Variants in KLF8 observed in about 807,000 individuals in gnomAD.
KLF8 encodes KLF transcription factor 8.
Under a neutral mutation model 18.2 loss-of-function variants are expected in KLF8, and 10 were observed. The ratio of observed to expected loss-of-function variants is 0.55; its 90% CI spans 0.34 to 0.93. The LOEUF is 0.93. KLF8 is among the 40% of genes least tolerant of loss of function. The pLI is 0.02. For synonymous variants in KLF8, 109 were observed against 97.3 expected (o/e 1.12, Z -0.71); for missense variants, 264 against 277.9 (o/e 0.95, Z 0.36).
the KLF8 span, among the ~76,000 whole-genome samples, chrX:56,064,433 G>A: frequency 2.4e-4 from 26 of 109,130 alleles, no homozygotes; most frequent in East Asian, 6.3e-3. Flanking sequence ...TTTCTTGTGA[G>A]CAGCATATAA....
chrX:56,040,800 C>CTTTTTTT, the KLF8 span, among the ~76,000 whole-genome samples: 8 of 6,038 alleles, frequency 1.3e-3, 2 homozygotes, highest in Non-Finnish European at 3.2e-3. Context: ...ATGATACCAG[C>CTTTTTTT]TTTTTTTTTT....
At chrX:55,937,862 T>C in the KLF8 span, among the ~76,000 whole-genome samples, 1 of 111,503 alleles carries the variant, frequency 9.0e-6, no homozygotes, top group Non-Finnish European at 1.9e-5. Flanking sequence ...CTCCAACAAA[T>C]ATGGGACTAT....
the KLF8 span, among the ~76,000 whole-genome samples, chrX:55,919,326 T>C: frequency 8.9e-6 from 1 of 111,732 alleles, no homozygotes; most frequent in Non-Finnish European, 1.9e-5. Context: ...GAACTTTTGC[T>C]CCCAAGAACT....
At chrX:55,930,595 G>C in the KLF8 span, among the ~76,000 whole-genome samples, 3 of 111,880 alleles carry the variant, frequency 2.7e-5, no homozygotes, top group Non-Finnish European at 5.6e-5. Context: ...TAGCATGAAG[G>C]GCTGTTGCAT....
the KLF8 span, among the ~76,000 whole-genome samples, chrX:56,046,416 T>A: frequency 9.0e-6 from 1 of 111,540 alleles, no homozygotes; most frequent in Non-Finnish European, 1.9e-5. Flanking sequence ...AATGTTAGTA[T>A]TGAGATGTCA....
chrX:55,977,258 C>T, the KLF8 span, among the ~76,000 whole-genome samples: 2 of 111,557 alleles, frequency 1.8e-5, no homozygotes, highest in Non-Finnish European at 3.8e-5. Flanking sequence ...TGTGGGCTTG[C>T]TATATATGCC....
the KLF8 span, among the ~76,000 whole-genome samples, chrX:56,225,103 C>T: frequency 8.9e-6 from 1 of 112,006 alleles, no homozygotes; most frequent in Non-Finnish European, 1.9e-5. Context: ...AAGATTTCAA[C>T]ATATGAATTT....
chrX:56,231,530 C>T (rs1276897159), upstream of KLF8, among the ~76,000 whole-genome samples: 1 of 111,681 alleles, frequency 9.0e-6, no homozygotes, highest in Non-Finnish European at 1.9e-5. Context: ...TCTCTTTGCT[C>T]TTCCTCCCTC....
the KLF8 span, among the ~76,000 whole-genome samples, chrX:55,945,915 A>C: frequency 9.0e-6 from 1 of 111,204 alleles, no homozygotes; most frequent in Non-Finnish European, 1.9e-5. Context: ...ATACCTAGGA[A>C]TCCAACTTGC....
the KLF8 span, among the ~76,000 whole-genome samples, chrX:56,033,083 T>C: frequency 1.8e-5 from 2 of 111,462 alleles, no homozygotes; most frequent in Non-Finnish European, 3.8e-5. Context: ...TGCAGTATGA[T>C]TGAACTAAGA....
chrX:56,007,471 G>A, the KLF8 span, among the ~76,000 whole-genome samples: 1 of 111,595 alleles, frequency 9.0e-6, no homozygotes, highest in East Asian at 2.8e-4. Flanking sequence ...GATTACAGGA[G>A]TCTGTGGTGG....
upstream of KLF8, among the ~76,000 whole-genome samples, chrX:56,229,438 T>C (rs1208722374): frequency 8.9e-6 from 1 of 111,960 alleles, no homozygotes; most frequent in African/African-American, 3.3e-5. Flanking sequence ...ATTTGGTTCA[T>C]GTTTATTCTA....
At chrX:56,274,997 T>C (rs771527919) in intron 5 of KLF8, among the ~76,000 whole-genome samples, 3 of 112,070 alleles carry the variant, frequency 2.7e-5, no homozygotes, top group East Asian at 5.6e-4. Flanking sequence ...GTTTTTGTGG[T>C]TCCATGTAAA....
At chrX:56,183,922 C>A in the KLF8 span, among the ~76,000 whole-genome samples, 1 of 111,677 alleles carries the variant, frequency 9.0e-6, no homozygotes, top group African/African-American at 3.3e-5. Context: ...CAGCTCTGGT[C>A]TACAGCTCCC....
the KLF8 span, among the ~76,000 whole-genome samples, chrX:56,107,423 A>G: frequency 9.0e-6 from 1 of 111,439 alleles, no homozygotes; most frequent in Admixed American, 9.5e-5. Flanking sequence ...AGCCTCAGCA[A>G]TGGCGGACTC....
At chrX:56,284,048 A>AAGATAAGTATAT (rs2067238851) in intron 5 of KLF8, among the ~76,000 whole-genome samples, 1 of 112,256 alleles carries the variant, frequency 8.9e-6, no homozygotes. Context: ...ACCACAAAAA[A>AAGATAAGTATAT]AGATAAGTAT....
intron 1 of KLF8, among the ~76,000 whole-genome samples, chrX:56,245,585 C>A (rs2066612582): frequency 9.0e-6 from 1 of 111,673 alleles, no homozygotes; most frequent in Non-Finnish European, 1.9e-5. Flanking sequence ...CTATAGGACC[C>A]ATGCCCTTAG....
chrX:56,046,390 T>C, the KLF8 span, among the ~76,000 whole-genome samples: 1 of 111,634 alleles, frequency 9.0e-6, no homozygotes, highest in African/African-American at 3.2e-5. Flanking sequence ...TTGGAACACT[T>C]AGCTCATTTA....
the KLF8 span, among the ~76,000 whole-genome samples, chrX:55,944,809 G>GT: frequency 1.4e-4 from 16 of 111,166 alleles, no homozygotes; most frequent in Non-Finnish European, 2.3e-4. Flanking sequence ...TTTTTGAAGG[G>GT]TTTTTTGTGT....
Sources: gnomAD v4.1 joint callset for allele counts (sites outside exome capture counted in the v4.1 genomes callset) on GRCh38, gnomAD v4.1.1 for gene constraint, MANE v1.5 for transcripts, NCBI Gene and HGNC (gene_info 2026-07-23, HGNC 2026-07-21) for gene names.